Variants in DGKI observed in about 807,000 individuals in gnomAD.
The protein encoded by DGKI is diacylglycerol kinase iota, also known as DAG kinase iota.
Under a neutral mutation model 147.5 loss-of-function variants are expected in DGKI, and 55 were observed. The ratio of observed to expected loss-of-function variants is 0.37; its 90% CI spans 0.30 to 0.47. The LOEUF (loss-of-function observed/expected upper bound fraction) is 0.47, where lower values mean the gene tolerates loss of function less well. Ranked by LOEUF, DGKI falls within the 20% of genes least tolerant of loss-of-function variation. The probability of loss-of-function intolerance (pLI) is 1.00; values close to 1 mark genes in which losing one functional copy is unlikely to be tolerated. For synonymous variants in DGKI, 469 were observed against 477.1 expected (o/e 0.98, Z 0.22); for missense variants, 1,007 against 1,323.8 (o/e 0.76, Z 3.71).
intron 21 of DGKI, among the ~76,000 whole-genome samples, chr7:137,516,860 C>T (rs115396266): frequency 0.015 from 2,250 of 152,026 alleles, 61 homozygotes; most frequent in African/African-American, 0.051. Context: ...AATCTTGATC[C>T]ACCTCCTCTG....
intron 20 of DGKI, among the ~76,000 whole-genome samples, chr7:137,523,509 T>C (rs1412821802): frequency 6.6e-6 from 1 of 152,078 alleles, no homozygotes; most frequent in Non-Finnish European, 1.5e-5. Context: ...AGTGTAGATA[T>C]ACATGCACAA....
At chr7:137,532,212 A>G (rs1817365242) in intron 20 of DGKI, among the ~76,000 whole-genome samples, 1 of 152,162 alleles carries the variant, frequency 6.6e-6, no homozygotes. Context: ...ACGCATTACT[A>G]CTGAAAAGCT....
At chr7:137,618,151 A>ATATATAT in intron 8 of DGKI, among the ~76,000 whole-genome samples, 15 of 10,470 alleles carry the variant, frequency 1.4e-3, no homozygotes, top group Admixed American at 7.3e-3. Flanking sequence ...ATATATATAT[A>ATATATAT]TTTTTTTTTT....
At chr7:137,453,271 T>C (rs1479499334) in intron 27 of DGKI, 3 of 152,312 alleles carry the variant, frequency 2.0e-5, no homozygotes, top group Non-Finnish European at 2.9e-5. Context: ...CAAGGGTGCA[T>C]TGCCTATCCT....
At chr7:137,412,933 AT>A (rs899427031) in intron 28 of DGKI, among the ~76,000 whole-genome samples, 26 of 152,206 alleles carry the variant, frequency 1.7e-4, no homozygotes, top group Admixed American at 7.9e-4. Context: ...GGAAAAAAAA[AT>A]ATACGTGTCT....
chr7:137,441,578 T>C (rs1813511267), intron 28 of DGKI, among the ~76,000 whole-genome samples: 1 of 152,170 alleles, frequency 6.6e-6, no homozygotes, highest in African/African-American at 2.4e-5. Flanking sequence ...AAAGCCACTG[T>C]ATTTAAGCTC....
chr7:137,501,661 C>T (rs952380886), intron 21 of DGKI, among the ~76,000 whole-genome samples: 11 of 152,176 alleles, frequency 7.2e-5, no homozygotes, highest in African/African-American at 2.7e-4. Context: ...TCTGGCACAA[C>T]CTTTAGCACA....
chr7:137,396,018 C>G (rs1415897151), intron 31 of DGKI: 1 of 198,286 alleles, frequency 5.0e-6, no homozygotes, highest in East Asian at 9.8e-5. Context: ...CTAGATGTAT[C>G]TGAATACTGA....
intron 28 of DGKI, among the ~76,000 whole-genome samples, chr7:137,430,655 A>G (rs997666789): frequency 2.0e-5 from 3 of 152,140 alleles, no homozygotes; most frequent in African/African-American, 7.2e-5. Flanking sequence ...ATTGCTAAAG[A>G]AATAGAGTGA....
intron 19 of DGKI, among the ~76,000 whole-genome samples, chr7:137,562,979 G>T (rs187395348): frequency 9.9e-5 from 15 of 151,986 alleles, no homozygotes; most frequent in African/African-American, 3.1e-4. Flanking sequence ...TTTATTTATC[G>T]CTCTCCCTCA....
Position 137,597,892 on chromosome 7 carries a change from C to G in DGKI, c.1266G>C (p.Arg422Ser), listed in dbSNP as rs776815013. 1 of 1,613,758 alleles carries G rather than the reference C, an allele frequency of 6.2e-7. No individual in the cohort carries two copies. The highest frequency in any genetic ancestry group is 1.7e-5 in the Admixed American group (1 of 59,982). The change falls in exon 12 of 33, where the codon AGG (arginine) becomes AGC (serine). Residue 422 changes from arginine (R) to serine (S), a missense_variant. By Grantham distance (110) the Arg-to-Ser change is moderately radical. Transcript: ENST00000614521. ...CCAGAATTCGCAGATTTGGTACTTT[C>G]CTATACAATTCAAGCCTGTAGAGGA... ...EGPKDALELYRKVPNLRILAC... is the reference protein window; with the variant it reads ...EGPKDALELYSKVPNLRILAC...
At chr7:137,811,096 A>T (rs940456290) in intron 1 of DGKI, among the ~76,000 whole-genome samples, 2 of 152,132 alleles carry the variant, frequency 1.3e-5, no homozygotes, top group African/African-American at 2.4e-5. Context: ...CTGGTCCTGG[A>T]GCAATGGTGT....
At chr7:137,788,372 C>A (rs1335821463) in intron 1 of DGKI, among the ~76,000 whole-genome samples, 1 of 151,962 alleles carries the variant, frequency 6.6e-6, no homozygotes, top group African/African-American at 2.4e-5. Flanking sequence ...CATCTTCCCC[C>A]TTCCCTTCCC....
intron 1 of DGKI, among the ~76,000 whole-genome samples, chr7:137,714,360 A>T (rs932368678): frequency 6.6e-6 from 1 of 152,204 alleles, no homozygotes; most frequent in Non-Finnish European, 1.5e-5. Flanking sequence ...GTCTTCCCTA[A>T]AACAATTTAC....
chr7:137,801,931 A>T (rs376500357), intron 1 of DGKI, among the ~76,000 whole-genome samples: 9 of 152,320 alleles, frequency 5.9e-5, no homozygotes, highest in African/African-American at 2.2e-4. Context: ...TTTTTGGAAG[A>T]CACGAGCACA....
At chr7:137,720,904 ACCCTAGAGGCAG>A (rs1794536712) in intron 1 of DGKI, among the ~76,000 whole-genome samples, 2 of 152,124 alleles carry the variant, frequency 1.3e-5, no homozygotes, top group Admixed American at 1.3e-4. Flanking sequence ...CTAATCCTCT[ACCCTAGAGGCAG>A]CCCTGTTACA....
chr7:137,466,885 G>T lies in DGKI; in HGVS notation c.2484+17C>A. 1 of 1,613,668 alleles carries T rather than the reference G, an allele frequency of 6.2e-7. No individual in the cohort carries two copies. The highest frequency in any genetic ancestry group is 8.5e-7 in the Non-Finnish European group (1 of 1,179,668). On this transcript the variant is annotated intron_variant, in intron 25 of 32. Coordinates refer to ENST00000614521, the MANE Select transcript of DGKI (RefSeq NM_001321708.2). ...GGGAATTTTTCACTTTCACAAGCAG[G>T]CTGGAAAAAAACTTACCTGAGATCT...
chr7:137,505,379 T>C (rs1585179733), intron 21 of DGKI, among the ~76,000 whole-genome samples: 1 of 152,140 alleles, frequency 6.6e-6, no homozygotes, highest in East Asian at 1.9e-4. Context: ...ATCTGAGCAA[T>C]GGAAAATACT....
intron 1 of DGKI, among the ~76,000 whole-genome samples, chr7:137,845,028 C>A (rs910136811): frequency 6.6e-6 from 1 of 152,206 alleles, no homozygotes; most frequent in African/African-American, 2.4e-5. Flanking sequence ...ACCCCCTCCC[C>A]ACCATCTGTC....
Sources: allele counts gnomAD v4.1 joint callset (sites outside exome capture counted in the v4.1 genomes callset), GRCh38; gene constraint gnomAD v4.1.1; transcripts MANE v1.5; gene names NCBI Gene and HGNC (gene_info 2026-07-23, HGNC 2026-07-21).